The following C10orf90 variants were observed in gnomAD, a reference collection of about 807,000 sequenced individuals.
The protein encoded by C10orf90 is chromosome 10 open reading frame 90, also known as (E2-independent) E3 ubiquitin-conjugating enzyme FATS.
Under a neutral mutation model 62.5 loss-of-function variants are expected in C10orf90, and 56 were observed. The observed-to-expected ratio is 0.90, with a 90% CI of 0.72 to 1.12. C10orf90 has a LOEUF of 1.12. Among genes scored for constraint, C10orf90 ranks in the 50% most tolerant of loss-of-function variants. C10orf90 has a pLI of 0.00. For missense variants in C10orf90, 970 were observed against 880.4 expected (o/e 1.10, Z -1.29); for synonymous variants, 386 against 340.4 (o/e 1.13, Z -1.47).
At position 126,464,758 on chromosome 10, in the gene C10orf90, T is replaced by C. The variant is rs751986892; in HGVS notation, c.1763A>G (p.Gln588Arg). 5 of 1,614,120 alleles carry C rather than the reference T, an allele frequency of 3.1e-6. No individual in the cohort carries two copies. In the South Asian group the frequency reaches 5.5e-5, roughly 18 times the overall value. ...ILFPGFLCPL[Q>R]DVCASLQEDN... is the part of the protein sequence containing the mutation. ...TTCCTGCAGAGATGCACATACATCTTGTAAGGGGCAAAGAAACCCAGGAAA... is the reference window on the plus strand; with the variant it reads ...TTCCTGCAGAGATGCACATACATCTCGTAAGGGGCAAAGAAACCCAGGAAA... The change falls in exon 5 of 10, where the codon CAA becomes CGA. Residue 588 changes from glutamine to arginine, a missense_variant. Gln to Arg is a conservative substitution (Grantham distance 43). Coordinates refer to ENST00000488181, the MANE Select transcript of C10orf90 (RefSeq NM_001350921.2).
At chr10:126,436,472 T>A (rs1857925867) in intron 7 of C10orf90, among the ~76,000 whole-genome samples, 1 of 152,150 alleles carries the variant, frequency 6.6e-6, no homozygotes, top group Admixed American at 6.5e-5. Context: ...ACATCATACT[T>A]TTATGATGTA....
At chr10:126,619,389 G>A (rs570902263) in intron 2 of C10orf90, among the ~76,000 whole-genome samples, 7 of 152,264 alleles carry the variant, frequency 4.6e-5, no homozygotes, top group South Asian at 4.1e-4. Context: ...AAGTAGTTGC[G>A]CCAGTTCTTA....
intron 2 of C10orf90, among the ~76,000 whole-genome samples, chr10:126,615,478 T>C (rs1845521687): frequency 6.6e-6 from 1 of 152,216 alleles, no homozygotes; most frequent in African/African-American, 2.4e-5. Context: ...TCAGTAGCCA[T>C]TATCTATGAA....
chr10:126,648,959 C>G (rs886789597), intron 1 of C10orf90, among the ~76,000 whole-genome samples: 57 of 151,882 alleles, frequency 3.8e-4, no homozygotes, highest in African/African-American at 1.4e-3. Flanking sequence ...AGAGCCCCAG[C>G]CTTGCCATTA....
chr10:126,434,246 C>A (rs1340473692), intron 7 of C10orf90, among the ~76,000 whole-genome samples: 1 of 152,124 alleles, frequency 6.6e-6, no homozygotes, highest in Non-Finnish European at 1.5e-5. Context: ...CCTCATATCA[C>A]CTCTGTGCAC....
intron 2 of C10orf90, among the ~76,000 whole-genome samples, chr10:126,604,154 A>T (rs1845258627): frequency 6.6e-6 from 1 of 152,188 alleles, no homozygotes; most frequent in African/African-American, 2.4e-5. Context: ...GCTGGGCTCC[A>T]TCCAGAAACA....
At chr10:126,441,332 A>G in intron 7 of C10orf90, among the ~76,000 whole-genome samples, 1 of 152,280 alleles carries the variant, frequency 6.6e-6, no homozygotes, top group East Asian at 1.9e-4. Context: ...CCCAACAAAG[A>G]CAAACAAATA....
intron 2 of C10orf90, among the ~76,000 whole-genome samples, chr10:126,610,960 G>T (rs1845420147): frequency 1.3e-5 from 2 of 151,928 alleles, no homozygotes; most frequent in African/African-American, 4.8e-5. Context: ...TTTTATTTAT[G>T]TTTTTTGACA....
chr10:126,616,316 C>G (rs1038148747), intron 2 of C10orf90, among the ~76,000 whole-genome samples: 3 of 152,170 alleles, frequency 2.0e-5, no homozygotes, highest in Admixed American at 2.0e-4. Flanking sequence ...ATGGGTGAGT[C>G]ATGTCTAGCT....
At chr10:126,434,008 T>C (rs1441743615) in intron 7 of C10orf90, among the ~76,000 whole-genome samples, 1 of 152,186 alleles carries the variant, frequency 6.6e-6, no homozygotes, top group African/African-American at 2.4e-5. Flanking sequence ...TTCTGGAAAA[T>C]ACTTTTTTCC....
At chr10:126,461,616 A>T (rs1456433467) in intron 5 of C10orf90, 31 bp from the exon 6 acceptor site, 5 of 1,594,168 alleles carry the variant, frequency 3.1e-6, no homozygotes, top group Middle Eastern at 1.7e-4. Flanking sequence ...TCCCATTTAG[A>T]GGGCACCAAG....
At chr10:126,610,931 TTTTC>T (rs1439915337) in intron 2 of C10orf90, among the ~76,000 whole-genome samples, 1 of 152,188 alleles carries the variant, frequency 6.6e-6, no homozygotes, top group Non-Finnish European at 1.5e-5. Flanking sequence ...TATATTCTAT[TTTTC>T]TTTCTTTTTT....
intron 2 of C10orf90, among the ~76,000 whole-genome samples, chr10:126,576,870 T>G (rs1029913109): frequency 1.3e-5 from 2 of 150,654 alleles, no homozygotes; most frequent in African/African-American, 4.9e-5. Flanking sequence ...CTGAAGGACA[T>G]TATTTTAAGT....
intron 2 of C10orf90, among the ~76,000 whole-genome samples, chr10:126,566,278 T>C (rs1844387412): frequency 6.6e-6 from 1 of 152,182 alleles, no homozygotes; most frequent in South Asian, 2.1e-4. Flanking sequence ...ACACGTGATG[T>C]TATTAGTTTT....
intron 3 of C10orf90, among the ~76,000 whole-genome samples, chr10:126,507,583 T>A (rs1351029323): frequency 2.0e-5 from 3 of 151,180 alleles, no homozygotes; most frequent in Non-Finnish European, 4.4e-5. Context: ...AGCGGCTACC[T>A]CACACTTCCC....
chr10:126,669,554 T>C (rs967807798), intron 1 of C10orf90, among the ~76,000 whole-genome samples: 2 of 152,204 alleles, frequency 1.3e-5, no homozygotes, highest in African/African-American at 4.8e-5. Context: ...CCATGTACAA[T>C]AAACAGCCGA....
chr10:126,555,409 A>T (rs1411251111), intron 2 of C10orf90, among the ~76,000 whole-genome samples: 3 of 152,140 alleles, frequency 2.0e-5, no homozygotes, highest in African/African-American at 7.2e-5. Context: ...ACGGTGACTC[A>T]TGCCTGTAAT....
chr10:126,459,934 C>T (rs754192873), intron 6 of C10orf90, among the ~76,000 whole-genome samples: 1 of 152,198 alleles, frequency 6.6e-6, no homozygotes, highest in Admixed American at 6.5e-5. Context: ...TTCATCACCT[C>T]GTGGAGTCCC....
chr10:126,530,109 C>T (rs929815796), intron 2 of C10orf90, among the ~76,000 whole-genome samples: 1 of 151,926 alleles, frequency 6.6e-6, no homozygotes, highest in African/African-American at 2.4e-5. Context: ...TCAAAAAAAG[C>T]CCCTGAAAAC....
Sources: gnomAD v4.1 joint callset for allele counts (sites outside exome capture counted in the v4.1 genomes callset) on GRCh38, gnomAD v4.1.1 for gene constraint, MANE v1.5 for transcripts, NCBI Gene and HGNC (gene_info 2026-07-23, HGNC 2026-07-21) for gene names.